The following MMADHC variants were observed in gnomAD, a reference collection of about 807,000 sequenced individuals.
MMADHC encodes the protein metabolism of cobalamin associated D.
A neutral mutation model predicts 36.3 loss-of-function variants in MMADHC; 23 were observed. The ratio of observed to expected loss-of-function variants is 0.63; its 90% CI spans 0.46 to 0.90. The LOEUF (loss-of-function observed/expected upper bound fraction) is 0.90. Ranked by LOEUF, MMADHC falls within the 40% of genes least tolerant of loss-of-function variation. The probability of loss-of-function intolerance (pLI) is 0.00; values close to 1 mark genes in which losing one functional copy is unlikely to be tolerated. For missense variants in MMADHC, 330 were observed against 348.0 expected, an observed-to-expected ratio of 0.95 and a Z score of 0.41; for synonymous variants, 97 against 116.1, an observed-to-expected ratio of 0.84 and a Z score of 1.06.
In MMADHC at chr2:149,572,374, ATAACAGAG is replaced by A. The variant is rs535876483; in HGVS notation, c.610-1211_610-1204del. On this transcript the variant is annotated intron_variant, in intron 6 of 7. Coordinates refer to ENST00000303319, the MANE Select transcript of MMADHC (RefSeq NM_015702.3). Reference sequence around the variant, plus strand: ...CAAGGGCACAGTTCCACTTCTGGCCATAACAGAGTTAACAGGTACTGAACTCACCATCC... The same window carrying A: ...CAAGGGCACAGTTCCACTTCTGGCCATTAACAGGTACTGAACTCACCATCC... 547 of 297,642 alleles carry A rather than the reference ATAACAGAG, an allele frequency of 1.8e-3. 4 individuals carry two copies. Among genetic ancestry groups the A allele is most frequent in the African/African-American group, 0.012 (511 of 42,958 alleles). 18.4% of individuals were successfully genotyped at this position (297,642 alleles called of 1,614,324 possible).
intron 6 of MMADHC, among the ~76,000 whole-genome samples, chr2:149,574,178 T>C (rs1682682226): frequency 6.6e-6 from 1 of 152,176 alleles, no homozygotes; most frequent in South Asian, 2.1e-4. Context: ...AATCTTAAAC[T>C]GACCAAAAAT....
intron 6 of MMADHC, chr2:149,572,108 T>C: frequency 3.2e-6 from 1 of 310,350 alleles, no homozygotes; most frequent in Non-Finnish European, 6.2e-6. Context: ...ATTTATAAGA[T>C]ATTTTATTAG....
intron 4 of MMADHC, among the ~76,000 whole-genome samples, chr2:149,578,522 GA>G (rs1216239737): frequency 6.6e-6 from 1 of 152,124 alleles, no homozygotes; most frequent in Non-Finnish European, 1.5e-5. Flanking sequence ...TAGAAATACT[GA>G]ATTAGAAATT....
In MMADHC at chr2:149,569,707, A is replaced by G. The variant is rs546054980; in HGVS notation, c.*267T>C. 2.9e-5 allele frequency: 8 copies of G among 276,966 alleles called. No homozygotes were observed. Among genetic ancestry groups the G allele is most frequent in the Non-Finnish European group, 2.0e-5 (3 of 147,196 alleles). 17.2% of individuals were successfully genotyped at this position (276,966 alleles called of 1,614,324 possible). A position where few individuals can be genotyped will look rare whatever the true frequency, so the allele number is the denominator to read the frequency against. ...CTGAGGCCTTTTTCCAATAAAGAGG[A>G]GAAATAACAATAGCAGATCATACCC... On this transcript the variant is annotated 3_prime_UTR_variant, in exon 8 of 8. Coordinates refer to ENST00000303319, the MANE Select transcript of MMADHC (RefSeq NM_015702.3).
Position 149,582,150 on chromosome 2 carries a change from A to G in MMADHC, c.131T>C (p.Val44Ala), listed in dbSNP as rs1245975393. 6.2e-7 allele frequency: 1 copy of G among 1,613,992 alleles called. No homozygotes were observed. The highest frequency in any genetic ancestry group is 1.1e-5 in the South Asian group (1 of 91,080). The stretch of plus-strand genomic sequence containing the variant: ...ACATATATCTGGAGGTGCAGCAGCC[A>G]CATGAGACTCATCCGAACCTGATGA... ...AGSSGSDESH[V>A]AAAPPDICSR... Residue 44 changes from valine (V) to alanine (A), a missense_variant, in exon 3 of 8, where the codon GTG (valine) becomes GCG (alanine). Physicochemically the swap from Val to Ala is moderately conservative, Grantham distance 64. Transcript: ENST00000303319.
intron 4 of MMADHC, 126 bp from the exon 5 acceptor site, chr2:149,576,668 G>T: frequency 1.5e-6 from 1 of 689,212 alleles, no homozygotes; most frequent in Non-Finnish European, 2.6e-6. Flanking sequence ...TAATCTAACT[G>T]GGAGGTGAGG....
chr2:149,582,048 A>C, intron 3 of MMADHC, 79 bp downstream of exon 3: 21 of 1,512,592 alleles, frequency 1.4e-5, no homozygotes, highest in Non-Finnish European at 1.9e-5. Flanking sequence ...ATTAAGCCTT[A>C]AGAAGAAATA....
rs1287533333 is a variant in MMADHC, at chr2:149,570,079, A to C, written c.786T>G (p.Cys262Trp). ...LGFSVDDLGCCKVIRHSLWGT... is the reference protein window; with the variant it reads ...LGFSVDDLGCWKVIRHSLWGT... ...CCCAGAGACTATGACGAATCACTTT[A>C]CAGCATCCAAGGTCATCAACAGAGA... is the stretch of plus-strand genomic sequence containing the variant. Residue 262 changes from cysteine to tryptophan, a missense_variant, in exon 8 of 8, where the codon TGT (cysteine) becomes TGG (tryptophan). Transcript: ENST00000303319. 1 of 1,613,772 alleles carries C rather than the reference A, an allele frequency of 6.2e-7. No homozygotes were observed. The highest frequency in any genetic ancestry group is 2.2e-5 in the East Asian group (1 of 44,810).
intron 7 of MMADHC, 28 bp from the exon 8 acceptor site, chr2:149,570,196 A>AT (rs762269751): frequency 6.4e-7 from 1 of 1,557,498 alleles, no homozygotes; most frequent in East Asian, 2.3e-5. Context: ...AAATATTCTC[A>AT]TTAGTAAGAA....
chr2:149,574,563 GA>G (rs1450300676), intron 6 of MMADHC, among the ~76,000 whole-genome samples: 2 of 152,048 alleles, frequency 1.3e-5, no homozygotes, highest in East Asian at 3.9e-4. Flanking sequence ...ACCTGAGTTG[GA>G]AAGAACTGCT....
Position 149,576,427 on chromosome 2 carries a change from C to G in MMADHC, c.478+10G>C. 1 of 1,559,432 alleles carries G rather than the reference C, an allele frequency of 6.4e-7. No individual in the cohort carries two copies. Among genetic ancestry groups the G allele is most frequent in the Non-Finnish European group, 8.8e-7 (1 of 1,130,072 alleles). On this transcript the variant is annotated intron_variant, in intron 5 of 7. Transcript: ENST00000303319. ...AGTAACAGTGTTTCAAAGTATAAAG[C>G]ATGACATACCTTTTCGCAGCAATTC... is the stretch of plus-strand genomic sequence containing the variant.
At chr2:149,587,038 A>G in intron 2 of MMADHC, 51 bp downstream of exon 2, 1 of 1,579,328 alleles carries the variant, frequency 6.3e-7, no homozygotes, top group Non-Finnish European at 8.7e-7. Flanking sequence ...TTCATTCCTA[A>G]CATTCCCAAA....
At position 149,570,141 on chromosome 2, in the gene MMADHC, G is replaced by C. The variant is rs747419183; in HGVS notation, c.724C>G (p.Leu242Val). The change falls in exon 8 of 8, where the codon CTT (leucine) becomes GTT (valine). Residue 242 changes from leucine to valine, a missense_variant. Coordinates refer to ENST00000303319, the MANE Select transcript of MMADHC (RefSeq NM_015702.3). Reference protein sequence around the residue: ...AFFGPYTNNTLFETDERYRHL... With the variant: ...AFFGPYTNNTVFETDERYRHL... ...CGGTAGCGTTCATCAGTTTCAAAAA[G>C]AGTGTTGTTTGTATATGGTCCAAAA... 4.3e-6 allele frequency: 7 copies of C among 1,613,644 alleles called. No individual in the cohort carries two copies. In the African/African-American group the frequency reaches 5.3e-5, roughly 12 times the overall value.
Position 149,576,558 on chromosome 2 carries a change from A to G in MMADHC, c.373-16T>C, listed in dbSNP as rs754844727. On this transcript the variant is annotated splice_polypyrimidine_tract_variant and intron_variant, in intron 4 of 7. Transcript: ENST00000303319. ...CATCATTACCCTAAGGGGAACAAGG[A>G]TATAAGTCAACAAAATCTGGAGTTC... 5.2e-6 allele frequency: 8 copies of G among 1,531,380 alleles called. No homozygotes were observed. The highest frequency in any genetic ancestry group is 6.3e-6 in the Non-Finnish European group (7 of 1,104,938). The allele number at this position is 1,531,380 out of a possible 1,614,324, so 94.9% of individuals were successfully genotyped here. A position where few individuals can be genotyped will look rare whatever the true frequency, so the allele number is the denominator to read the frequency against.
chr2:149,572,329 C>T (rs999527740), intron 6 of MMADHC: 9 of 12,436 alleles, frequency 7.2e-4, no homozygotes, highest in Non-Finnish European at 2.1e-3. Context: ...AGAGAGACTC[C>T]GTCTCCAAAA....
chr2:149,585,771 C>T (rs184981230), intron 2 of MMADHC, among the ~76,000 whole-genome samples: 103 of 152,332 alleles, frequency 6.8e-4, no homozygotes, highest in Non-Finnish European at 3.5e-4. Context: ...AACATCCATC[C>T]ACAATTTACA....
chr2:149,576,182 C>A (rs1416051562), intron 5 of MMADHC, among the ~76,000 whole-genome samples: 1 of 151,998 alleles, frequency 6.6e-6, no homozygotes, highest in Non-Finnish European at 1.5e-5. Flanking sequence ...CTAATAATCA[C>A]CCAGGAGTAA....
chr2:149,575,729 T>C lies in MMADHC; in HGVS notation c.591A>G (p.Arg197=). 1 of 1,602,024 alleles carries C rather than the reference T, an allele frequency of 6.2e-7. No individual in the cohort carries two copies. Among genetic ancestry groups the C allele is most frequent in the East Asian group, 2.2e-5 (1 of 44,608 alleles). Reference sequence around the variant, plus strand: ...GAATTACCTTTTCTAAGAGCACTTCTCTTTCAATTTCTACTTCTTCACTCC... The same window carrying C: ...GAATTACCTTTTCTAAGAGCACTTCCCTTTCAATTTCTACTTCTTCACTCC... ...TVWSEEVEIE[R]EVLLEKFING... Residue 197 remains arginine, a synonymous_variant, in exon 6 of 8, where the codon AGA becomes AGG. Coordinates refer to ENST00000303319, the MANE Select transcript of MMADHC (RefSeq NM_015702.3).
Position 149,575,697 on chromosome 2 carries a change from A to G in MMADHC, c.609+14T>C. On this transcript the variant is annotated intron_variant, in intron 6 of 7. Transcript: ENST00000303319. ...TGACCATAAAATTAAATTATTAGCA[A>G]TTGAAAGAATTACCTTTTCTAAGAG... 1.3e-6 allele frequency: 2 copies of G among 1,577,086 alleles called. No homozygotes were observed. The highest frequency in any genetic ancestry group is 2.3e-5 in the South Asian group (2 of 87,358).
Sources: allele counts gnomAD v4.1 joint callset (sites outside exome capture counted in the v4.1 genomes callset), GRCh38; gene constraint gnomAD v4.1.1; transcripts MANE v1.5; gene names NCBI Gene and HGNC (gene_info 2026-07-23, HGNC 2026-07-21).